Variants in WDR87 observed in about 807,000 individuals in gnomAD.
WDR87 encodes WD repeat-containing protein 87.
In WDR87, 56 loss-of-function variants were observed where a neutral mutation model predicts 83.3. The observed-to-expected ratio is 0.67, with a 90% CI of 0.54 to 0.84. WDR87 has a LOEUF of 0.84. Ranked by LOEUF, WDR87 falls within the 40% of genes least tolerant of loss-of-function variation. The pLI, the probability that WDR87 is intolerant of heterozygous loss-of-function variation, is 0.00. For synonymous variants in WDR87, 1,173 were observed against 1,250.6 expected, an observed-to-expected ratio of 0.94 and a Z score of 1.31; for missense variants, 2,939 against 3,431.9, an observed-to-expected ratio of 0.86 and a Z score of 3.59.
In WDR87 at chr19:37,896,332, T is replaced by G; in HGVS notation, c.76-24A>C. 3 of 1,549,704 alleles carry G rather than the reference T, an allele frequency of 1.9e-6. No individual in the cohort carries two copies. The South Asian group carries it at 3.6e-5, about 18-fold the overall frequency. ...TGCTGGAGAGAGGCGTGGCATAAACTAAGAGGCCAGGGCACAGAGGCACTA... is the reference window on the plus strand; with the variant it reads ...TGCTGGAGAGAGGCGTGGCATAAACGAAGAGGCCAGGGCACAGAGGCACTA... On this transcript the variant is annotated intron_variant, in intron 2 of 5. Coordinates refer to ENST00000447313, the MANE Select transcript of WDR87 (RefSeq NM_001291088.2).
rs1411394117 is a variant in WDR87, at chr19:37,885,354, G to A, written c.8317C>T (p.His2773Tyr). The A allele has an allele frequency of 2.6e-6, 4 of 1,551,546 alleles. No homozygotes were observed. The East Asian group carries it at 7.3e-5, about 28-fold the overall frequency. Residue 2773 changes from histidine to tyrosine, a missense_variant, in exon 6 of 6, where the codon CAT becomes TAT. By Grantham distance (83) the His-to-Tyr change is moderately conservative. Coordinates refer to ENST00000447313, the MANE Select transcript of WDR87 (RefSeq NM_001291088.2). ...CGCTGCTGCAGCATCCGCAAAACAT[G>A]GTACAGTGCCACAAATGTCTCCCAC... ...PLWETFVALY[H>Y]VLRMLQQRYP...
intron 1 of WDR87, among the ~76,000 whole-genome samples, chr19:37,899,911 G>A (rs889739836): frequency 2.6e-5 from 4 of 152,184 alleles, no homozygotes; most frequent in African/African-American, 9.6e-5. Context: ...GGCATGAACC[G>A]TTGCACCTTG....
At chr19:37,890,885 T>C (rs887542611) in intron 5 of WDR87, among the ~76,000 whole-genome samples, 2 of 152,246 alleles carry the variant, frequency 1.3e-5, no homozygotes, top group Non-Finnish European at 2.9e-5. Flanking sequence ...TGTATCACTC[T>C]TTTTTATCAC....
At chr19:37,891,396 T>C (rs2046203854) in intron 5 of WDR87, among the ~76,000 whole-genome samples, 156 bp downstream of exon 5, 1 of 152,090 alleles carries the variant, frequency 6.6e-6, no homozygotes, top group South Asian at 2.1e-4. Context: ...GCTCCTGACC[T>C]CAAGTGATCT....
chr19:37,889,149 GTTTCCACTCATCCCAGGCCTT>G lies in WDR87; in HGVS notation c.4501_4521del (p.Lys1501_Lys1507del). ...GATTTCCTTGTCTCACCATGGACCT[GTTTCCACTCATCCCAGGCCTT>G]TTTCCAGTCCTGCCAAGATGGTGTC... On this transcript the variant is annotated inframe_deletion, in exon 6 of 6. Coordinates refer to ENST00000447313, the MANE Select transcript of WDR87 (RefSeq NM_001291088.2). 1.3e-6 allele frequency: 2 copies of G among 1,552,210 alleles called. No homozygotes were observed. Among genetic ancestry groups the G allele is most frequent in the Non-Finnish European group, 1.7e-6 (2 of 1,147,122 alleles).
chr19:37,889,100 C>T lies in WDR87; in HGVS notation c.4571G>A (p.Trp1524Ter). The T allele has an allele frequency of 1.9e-6, 3 of 1,552,250 alleles. No homozygotes were observed. Among genetic ancestry groups the T allele is most frequent in the Non-Finnish European group, 2.6e-6 (3 of 1,147,124 alleles). The change falls in exon 6 of 6, where the codon TGG becomes TAG. Residue 1524 changes from tryptophan (W) to a stop codon, truncating the protein, a stop_gained. Transcript: ENST00000447313. LOFTEE classifies it low-confidence loss of function (END_TRUNC). The part of the protein sequence containing the change: ...RKSWKAWKEE[W>*]EKRLLQEEEK... Reference sequence around the variant, plus strand: ...CTCTTCCTGAAGAAGCCTCTTCTCCCATTCTTCCTTCCATGCCTTCCAGGA... The same window carrying T: ...CTCTTCCTGAAGAAGCCTCTTCTCCTATTCTTCCTTCCATGCCTTCCAGGA...
chr19:37,890,412 A>AC (rs2046195201), intron 5 of WDR87, 136 bp from the exon 6 acceptor site: 2 of 1,192,656 alleles, frequency 1.7e-6, no homozygotes, highest in Non-Finnish European at 2.2e-6. Context: ...TTAAAAAAAA[A>AC]AAGCATTCTC....
intron 1 of WDR87, among the ~76,000 whole-genome samples, chr19:37,905,563 A>AT (rs36052498): frequency 0.3 from 44,837 of 147,838 alleles, 8,056 homozygotes; most frequent in East Asian, 0.66. Context: ...CACATATATA[A>AT]TTTTTTTTTT....
Position 37,890,291 on chromosome 19 carries a change from G to A in WDR87, c.3395-15C>T, listed in dbSNP as rs1194388631. ...CCATTTTTGGCCTGCAGTAAAAATC[G>A]AGAGATGGAGGTAAGCAAAGTATGG... On this transcript the variant is annotated splice_polypyrimidine_tract_variant and intron_variant, in intron 5 of 5. Transcript: ENST00000447313. The A allele has an allele frequency of 3.3e-6, 5 of 1,510,918 alleles. No individual in the cohort carries two copies. The highest frequency in any genetic ancestry group is 3.6e-6 in the Non-Finnish European group (4 of 1,126,240). The allele number at this position is 1,510,918 out of a possible 1,614,324, so 93.6% of individuals were successfully genotyped here.
intron 1 of WDR87, among the ~76,000 whole-genome samples, chr19:37,900,261 G>T (rs913012768): frequency 6.6e-6 from 1 of 152,052 alleles, no homozygotes; most frequent in Non-Finnish European, 1.5e-5. Context: ...TCTACAAAGG[G>T]CAGATCAAGA....
At chr19:37,898,645 CA>C (rs980997696) in intron 1 of WDR87, among the ~76,000 whole-genome samples, 14 of 152,092 alleles carry the variant, frequency 9.2e-5, no homozygotes, top group Non-Finnish European at 1.3e-4. Context: ...GTCCGGAGAG[CA>C]TTTTGTGAAG....
Position 37,894,201 on chromosome 19 carries a change from A to G in WDR87, c.1502T>C (p.Met501Thr). 1 of 1,552,252 alleles carries G rather than the reference A, an allele frequency of 6.4e-7. No homozygotes were observed. Among genetic ancestry groups the G allele is most frequent in the Non-Finnish European group, 8.7e-7 (1 of 1,147,124 alleles). Reference protein sequence around the residue: ...QHSCARLEKFMHFGAVLALST... With the variant: ...QHSCARLEKFTHFGAVLALST... ...GAGTGCCAGTACAGCGCCAAAGTGC[A>G]TGAATTTTTCTAATCGAGCACAGCT... Residue 501 changes from methionine (M) to threonine (T), a missense_variant, in exon 4 of 6, where the codon ATG becomes ACG. By Grantham distance (81) the Met-to-Thr change is moderately conservative. Transcript: ENST00000447313.
intron 5 of WDR87, 127 bp from the exon 6 acceptor site, chr19:37,890,403 TA>T (rs34144200): frequency 0.011 from 11,053 of 984,962 alleles, no homozygotes; most frequent in East Asian, 0.026. Flanking sequence ...ACTGAGGCCT[TA>T]AAAAAAAAAA....
chr19:37,888,704 G>A lies in WDR87; in HGVS notation c.4967C>T (p.Ala1656Val), dbSNP rs2046174417. Residue 1656 changes from alanine (A) to valine (V), a missense_variant, in exon 6 of 6, where the codon GCC (alanine) becomes GTC (valine). Ala to Val is a moderately conservative substitution (Grantham distance 64). This residue lies in a region of WDR87 where 2,160 missense variants were observed against 2,533.1 expected (regional missense o/e 0.85). Transcript: ENST00000447313. ...RQLAQEERKL[A>V]QAYVKITQDD... ...CTGGGTTATTTTCACGTATGCCTGG[G>A]CCAGTTTTCTCTCTTCCTGGGCCAA... 1.9e-6 allele frequency: 3 copies of A among 1,551,480 alleles called. No individual in the cohort carries two copies. The highest frequency in any genetic ancestry group is 2.4e-5 in the East Asian group (1 of 40,886).
At chr19:37,901,967 C>T (rs1047959623) in intron 1 of WDR87, among the ~76,000 whole-genome samples, 4 of 152,048 alleles carry the variant, frequency 2.6e-5, no homozygotes, top group Non-Finnish European at 4.4e-5. Context: ...CCACCTGCCT[C>T]AGCCTCCCAA....
Position 37,886,924 on chromosome 19 carries a change from T to C in WDR87, c.6747A>G (p.Lys2249=), listed in dbSNP as rs7253969. 1,214,990 of 1,551,390 alleles carry C rather than the reference T, an allele frequency of 0.78. 478,658 individuals are homozygous for C. Among genetic ancestry groups the C allele is most frequent in the African/African-American group, 0.94 (68,652 of 73,052 alleles). Residue 2249 remains lysine (K), a synonymous_variant, in exon 6 of 6, where the codon AAA becomes AAG. Transcript: ENST00000447313. The part of the protein sequence containing the change: ...RKEAKRGDKP[K]EKFSSQVDEV... ...CATCCACTTGACTGGAAAACTTTTC[T>C]TTTGGTTTGTCACCTCTCTTGGCCT...
chr19:37,887,301 T>C lies in WDR87; in HGVS notation c.6370A>G (p.Arg2124Gly). 1 of 1,551,442 alleles carries C rather than the reference T, an allele frequency of 6.4e-7. No individual in the cohort carries two copies. Among genetic ancestry groups the C allele is most frequent in the Non-Finnish European group, 8.7e-7 (1 of 1,146,918 alleles). The change falls in exon 6 of 6, where the codon AGG becomes GGG. Residue 2124 changes from arginine to glycine, a missense_variant. Arg to Gly is a moderately radical substitution (Grantham distance 125). Transcript: ENST00000447313. ...TCCTGTGTTAGTTTCCTTTCATCCCTGGTTAGTTTTTGAAGTGCCTTTAAG... is the reference window on the plus strand; with the variant it reads ...TCCTGTGTTAGTTTCCTTTCATCCCCGGTTAGTTTTTGAAGTGCCTTTAAG... ...KILKALQKLT[R>G]DERKLTQEEI...
intron 5 of WDR87, 21 bp from the exon 6 acceptor site, chr19:37,890,297 T>C (rs1196426353): frequency 8.0e-6 from 12 of 1,506,086 alleles, no homozygotes; most frequent in Non-Finnish European, 1.1e-5. Context: ...AATCGAGAGA[T>C]GGAGGTAAGC....
chr19:37,893,344 C>T lies in WDR87; in HGVS notation c.2359G>A (p.Val787Met), dbSNP rs1199092439. 1.3e-6 allele frequency: 2 copies of T among 1,551,828 alleles called. No individual in the cohort carries two copies. The highest frequency in any genetic ancestry group is 1.7e-6 in the Non-Finnish European group (2 of 1,146,984). Reference protein sequence around the residue: ...QVSKRYQCHYVLPPQLQLTSW... With the variant: ...QVSKRYQCHYMLPPQLQLTSW... ...GTCAGTTGTAGCTGGGGAGGAAGCA[C>T]ATAATGGCATTGGTAACGTTTGCTC... is the stretch of plus-strand genomic sequence containing the variant. Residue 787 changes from valine (V) to methionine (M), a missense_variant, in exon 4 of 6, where the codon GTG (valine) becomes ATG (methionine). This residue lies in a region of WDR87 where 2,160 missense variants were observed against 2,533.1 expected (regional missense o/e 0.85). Transcript: ENST00000447313.
Sources: allele counts gnomAD v4.1 joint callset (sites outside exome capture counted in the v4.1 genomes callset), GRCh38; gene constraint gnomAD v4.1.1; regional missense constraint gnomAD v4.1.1; transcripts MANE v1.5; gene names NCBI Gene and HGNC (gene_info 2026-07-23, HGNC 2026-07-21).